The following ZNF248 variants were observed in gnomAD, a reference collection of about 807,000 sequenced individuals.
ZNF248 encodes the protein KRAB protein domain.
Under a neutral mutation model 44.3 loss-of-function variants are expected in ZNF248, and 20 were observed. That is an observed-to-expected ratio of 0.45 (90% CI 0.32 to 0.66). The LOEUF is 0.66. ZNF248 is among the 30% of genes least tolerant of loss of function. ZNF248 has a pLI of 0.04. For missense variants in ZNF248, 654 were observed against 677.0 expected (o/e 0.97, Z 0.38); for synonymous variants, 224 against 229.0 (o/e 0.98, Z 0.20).
chr10:37,821,252 G>A (rs1446977087), intron 6 of ZNF248, among the ~76,000 whole-genome samples: 2 of 147,632 alleles, frequency 1.4e-5, no homozygotes, highest in Admixed American at 6.6e-5. Flanking sequence ...ATATATTTAG[G>A]ATTTCCTTGG....
chr10:37,774,240 T>C (rs1246713700), downstream of ZNF248, among the ~76,000 whole-genome samples: 1 of 152,146 alleles, frequency 6.6e-6, no homozygotes, highest in African/African-American at 2.4e-5. Context: ...TGGGAGAGAA[T>C]ACATTTCTGT....
At chr10:37,818,870 G>C in intron 6 of ZNF248, 1 of 1,022,764 alleles carries the variant, frequency 9.8e-7, no homozygotes, top group South Asian at 1.3e-5. Flanking sequence ...TGCTGAGACT[G>C]GTTATAGCCA....
the ZNF248 span, among the ~76,000 whole-genome samples, chr10:37,765,833 G>A: frequency 6.6e-6 from 1 of 152,236 alleles, no homozygotes; most frequent in African/African-American, 2.4e-5. Context: ...AGAAGTGCAA[G>A]GGATCAGGGA....
In ZNF248 at chr10:37,833,105, T is replaced by C; in HGVS notation, c.250A>G (p.Lys84Glu). ...PSQCHPERKW[K>E]VDDVLESSQE... is the part of the protein sequence containing the mutation. The stretch of plus-strand genomic sequence containing the variant: ...CTGCTCTCTAACACGTCATCAACTT[T>C]CCATTTCCTTTCTAGAAATGAGAAA... The change falls in exon 6 of 6, where the codon AAA becomes GAA. Residue 84 changes from lysine to glutamate, a missense_variant. Coordinates refer to ENST00000395867, the MANE Select transcript of ZNF248 (RefSeq NM_021045.3). The C allele has an allele frequency of 2.5e-6, 4 of 1,582,898 alleles. No homozygotes were observed. Among genetic ancestry groups the C allele is most frequent in the Non-Finnish European group, 3.4e-6 (4 of 1,169,220 alleles).
At position 37,833,069 on chromosome 10, in the gene ZNF248, C is replaced by T. The variant is rs769381850; in HGVS notation, c.286G>A (p.Glu96Lys). The T allele has an allele frequency of 6.2e-7, 1 of 1,610,204 alleles. No individual in the cohort carries two copies. The highest frequency in any genetic ancestry group is 1.7e-5 in the Admixed American group (1 of 59,022). Residue 96 changes from glutamate (E) to lysine (K), a missense_variant, in exon 6 of 6, where the codon GAA (glutamate) becomes AAA (lysine). Coordinates refer to ENST00000395867, the MANE Select transcript of ZNF248 (RefSeq NM_021045.3). Reference protein sequence around the residue: ...DDVLESSQENEDDHFWELLFH... With the variant: ...DDVLESSQENKDDHFWELLFH... Reference sequence around the variant, plus strand: ...AGAAGCTCCCAAAAATGGTCATCTTCATTTTCCTGGCTGCTCTCTAACACG... The same window carrying T: ...AGAAGCTCCCAAAAATGGTCATCTTTATTTTCCTGGCTGCTCTCTAACACG...
Position 37,831,142 on chromosome 10 carries a change from C to A in ZNF248, c.*473G>T. ...ATTAACAAATACCATAGTAGTTACT[C>A]AATTAAGGGTACGTATCTTCTCCTT... On this transcript the variant is annotated 3_prime_UTR_variant, in exon 6 of 6. Transcript: ENST00000395867. 1.4e-6 allele frequency: 2 copies of A among 1,472,564 alleles called. No individual in the cohort carries two copies. The highest frequency in any genetic ancestry group is 1.4e-5 in the South Asian group (1 of 69,922). 91.2% of individuals were successfully genotyped at this position (1,472,564 alleles called of 1,614,324 possible). A position where few individuals can be genotyped will look rare whatever the true frequency, so the allele number is the denominator to read the frequency against.
chr10:37,831,134 T>C lies in ZNF248; in HGVS notation c.*481A>G, dbSNP rs1461319866. The C allele has an allele frequency of 1.4e-6, 2 of 1,457,924 alleles. No individual in the cohort carries two copies. Among genetic ancestry groups the C allele is most frequent in the East Asian group, 2.5e-5 (1 of 39,628 alleles). The allele number at this position is 1,457,924 out of a possible 1,614,324, so 90.3% of individuals were successfully genotyped here. On this transcript the variant is annotated 3_prime_UTR_variant, in exon 6 of 6. Coordinates refer to ENST00000395867, the MANE Select transcript of ZNF248 (RefSeq NM_021045.3). ...TAGAAAATATTAACAAATACCATAG[T>C]AGTTACTCAATTAAGGGTACGTATC...
chr10:37,787,152 G>A (rs900536552), intron 6 of ZNF248, among the ~76,000 whole-genome samples: 7 of 151,978 alleles, frequency 4.6e-5, no homozygotes, highest in East Asian at 1.9e-4. Flanking sequence ...GGTGGTACAC[G>A]CCTGTAGTCC....
At chr10:37,779,443 G>A (rs1158370678) in intron 6 of ZNF248, among the ~76,000 whole-genome samples, 1 of 152,058 alleles carries the variant, frequency 6.6e-6, no homozygotes, top group Non-Finnish European at 1.5e-5. Flanking sequence ...ATGCAGAAAA[G>A]GCCTTTGACA....
chr10:37,778,829 G>T (rs2046930645), intron 6 of ZNF248, among the ~76,000 whole-genome samples: 1 of 152,030 alleles, frequency 6.6e-6, no homozygotes, highest in South Asian at 2.1e-4. Context: ...TGATAAAGGG[G>T]ATATCACCAC....
Position 37,832,026 on chromosome 10 carries a change from T to C in ZNF248, c.1329A>G (p.Lys443=). 1 of 1,614,074 alleles carries C rather than the reference T, an allele frequency of 6.2e-7. No individual in the cohort carries two copies. The highest frequency in any genetic ancestry group is 8.5e-7 in the Non-Finnish European group (1 of 1,179,938). The change falls in exon 6 of 6, where the codon AAA becomes AAG. Residue 443 remains lysine (K), a synonymous_variant. Transcript: ENST00000395867. The part of the protein sequence containing the change: ...EKPYECKQCG[K]TFCVKSNLTE... Reference sequence around the variant, plus strand: ...TGAGGTTTGACTTCACACAGAATGTTTTTCCACATTGCTTACATTCATAGG... The same window carrying C: ...TGAGGTTTGACTTCACACAGAATGTCTTTCCACATTGCTTACATTCATAGG...
At chr10:37,851,097 T>TA (rs1006841349) in intron 3 of ZNF248, among the ~76,000 whole-genome samples, 3 of 151,936 alleles carry the variant, frequency 2.0e-5, no homozygotes, top group South Asian at 2.1e-4. Flanking sequence ...CTCAATACAT[T>TA]AAAAAAAATC....
intron 6 of ZNF248, chr10:37,783,865 G>A (rs1352990175): frequency 6.6e-6 from 1 of 152,272 alleles, no homozygotes; most frequent in African/African-American, 2.4e-5. Context: ...GCCCAGGCTG[G>A]AGTGCAATGG....
At chr10:37,759,960 A>C in the ZNF248 span, among the ~76,000 whole-genome samples, 352 of 152,228 alleles carry the variant, frequency 2.3e-3, 1 homozygote, top group Non-Finnish European at 2.8e-3. Context: ...CAGGGAGCTG[A>C]CCCCAAGCCA....
Position 37,839,434 on chromosome 10 carries a change from T to C in ZNF248, c.16-1323A>G, listed in dbSNP as rs977478063. 2.0e-5 allele frequency among the ~76,000 whole-genome samples: 3 copies of C among 151,892 alleles called. No homozygotes were observed. In the Admixed American group the frequency reaches 2.0e-4, roughly 10 times the overall value. ...GTTTCTAACGCCATGCTCCAATATA[T>C]GCTGAGTCATCCTAGGACATCATTA... On this transcript the variant is annotated intron_variant, in intron 3 of 5. Coordinates refer to ENST00000395867, the MANE Select transcript of ZNF248 (RefSeq NM_021045.3).
intron 3 of ZNF248, among the ~76,000 whole-genome samples, chr10:37,838,778 C>T (rs1230930274): frequency 2.7e-5 from 4 of 150,878 alleles, no homozygotes; most frequent in Admixed American, 1.3e-4. Context: ...CACAGGTGAC[C>T]GTGATAGTAG....
At chr10:37,825,379 AT>A (rs1177571683), downstream of ZNF248, among the ~76,000 whole-genome samples, 1 of 152,222 alleles carries the variant, frequency 6.6e-6, no homozygotes, top group Non-Finnish European at 1.5e-5. Context: ...TAAGGTTGGA[AT>A]TTTTTTAACA....
At chr10:37,852,067 G>A (rs941275268) in intron 3 of ZNF248, among the ~76,000 whole-genome samples, 1 of 151,982 alleles carries the variant, frequency 6.6e-6, no homozygotes, top group Non-Finnish European at 1.5e-5. Context: ...GACCAACATG[G>A]AGAAACCCTG....
rs1323210862 is a variant in ZNF248, at chr10:37,831,053, T to C, written c.*562A>G. 30 of 1,172,798 alleles carry C rather than the reference T, an allele frequency of 2.6e-5. No homozygotes were observed. In the Admixed American group the frequency reaches 4.1e-4, roughly 16 times the overall value. 72.6% of individuals were successfully genotyped at this position (1,172,798 alleles called of 1,614,324 possible). On this transcript the variant is annotated 3_prime_UTR_variant, in exon 6 of 6. Coordinates refer to ENST00000395867, the MANE Select transcript of ZNF248 (RefSeq NM_021045.3). ...ATATTTACATATACACACAAACATA[T>C]GTACATACACATATATAATTATGTC...
Sources: gnomAD v4.1 joint callset for allele counts (sites outside exome capture counted in the v4.1 genomes callset) on GRCh38, gnomAD v4.1.1 for gene constraint, MANE v1.5 for transcripts, NCBI Gene and HGNC (gene_info 2026-07-23, HGNC 2026-07-21) for gene names.